Variants in AFG2A observed in about 807,000 individuals in gnomAD.
The protein encoded by AFG2A is AAA ATPase AFG2A.
At chr4:123,225,152 T>G in the AFG2A span, among the ~76,000 whole-genome samples, 2 of 152,200 alleles carry the variant, frequency 1.3e-5, no homozygotes, top group East Asian at 3.8e-4. Context: ...TTTCTCCCAT[T>G]CTGTAGGTTG....
At chr4:122,983,491 G>A in the AFG2A span, among the ~76,000 whole-genome samples, 1 of 151,766 alleles carries the variant, frequency 6.6e-6, no homozygotes, top group Non-Finnish European at 1.5e-5. Flanking sequence ...CAAAGTTTTG[G>A]TATGTTGTGT....
chr4:122,927,139 T>C, the AFG2A span, among the ~76,000 whole-genome samples: 26 of 152,296 alleles, frequency 1.7e-4, no homozygotes, highest in African/African-American at 6.3e-4. Context: ...TGTGTGTTCG[T>C]ATAAGGAAGA....
At chr4:123,236,684 C>T in the AFG2A span, among the ~76,000 whole-genome samples, 1 of 152,284 alleles carries the variant, frequency 6.6e-6, no homozygotes, top group African/African-American at 2.4e-5. Context: ...GGACTGTCCA[C>T]GTTCACCTAT....
the AFG2A span, among the ~76,000 whole-genome samples, chr4:122,926,698 A>G: frequency 6.6e-6 from 1 of 152,240 alleles, no homozygotes; most frequent in Non-Finnish European, 1.5e-5. Flanking sequence ...TATGTTTACA[A>G]TAAATTTTAT....
chr4:123,314,395 A>G, the AFG2A span: 2 of 163,560 alleles, frequency 1.2e-5, no homozygotes, highest in Non-Finnish European at 1.3e-5. Flanking sequence ...TAAAATGCCA[A>G]ACATGTTGGC....
At chr4:123,225,391 G>C in the AFG2A span, among the ~76,000 whole-genome samples, 2 of 152,118 alleles carry the variant, frequency 1.3e-5, no homozygotes, top group Admixed American at 1.3e-4. Context: ...TTTTGTATAA[G>C]GTGTAAGGAA....
the AFG2A span, among the ~76,000 whole-genome samples, chr4:123,103,891 T>C: frequency 6.6e-6 from 1 of 152,108 alleles, no homozygotes; most frequent in African/African-American, 2.4e-5. Context: ...TAGTCAGATA[T>C]AAAAGACTAT....
At chr4:123,193,837 C>G in the AFG2A span, among the ~76,000 whole-genome samples, 1 of 151,948 alleles carries the variant, frequency 6.6e-6, no homozygotes, top group Non-Finnish European at 1.5e-5. Context: ...TTATATAAGA[C>G]AAAAATAACA....
At chr4:123,164,520 C>A in the AFG2A span, among the ~76,000 whole-genome samples, 2 of 152,040 alleles carry the variant, frequency 1.3e-5, no homozygotes, top group African/African-American at 4.8e-5. Context: ...CCTGCCACCA[C>A]GCCCAGCTAA....
the AFG2A span, among the ~76,000 whole-genome samples, chr4:123,311,753 C>T: frequency 6.6e-6 from 1 of 152,016 alleles, no homozygotes; most frequent in East Asian, 1.9e-4. Context: ...GCCTTCTAGG[C>T]CCTAATGATA....
At chr4:123,038,093 G>A in the AFG2A span, among the ~76,000 whole-genome samples, 1 of 151,934 alleles carries the variant, frequency 6.6e-6, no homozygotes, top group Admixed American at 6.6e-5. Context: ...CATATCTTTT[G>A]TGCCAATGGT....
the AFG2A span, chr4:123,260,145 C>T: frequency 6.6e-6 from 1 of 152,128 alleles, no homozygotes; most frequent in African/African-American, 2.4e-5. Context: ...GCAAAAAAAA[C>T]ACCTTCTTTT....
At chr4:123,121,264 T>TA in the AFG2A span, among the ~76,000 whole-genome samples, 1,305 of 149,400 alleles carry the variant, frequency 8.7e-3, 25 homozygotes, top group African/African-American at 0.029. Flanking sequence ...AAAAAAATAA[T>TA]AAATAAAAAA....
At chr4:123,216,539 T>G in the AFG2A span, among the ~76,000 whole-genome samples, 452 of 152,320 alleles carry the variant, frequency 3.0e-3, 2 homozygotes, top group Admixed American at 6.0e-3. Context: ...CATGCATTTA[T>G]TAACTGGAAA....
the AFG2A span, among the ~76,000 whole-genome samples, chr4:123,167,066 TG>T: frequency 6.6e-6 from 1 of 151,896 alleles, no homozygotes. Flanking sequence ...GAGGATTAAA[TG>T]AATTAATACA....
the AFG2A span, among the ~76,000 whole-genome samples, chr4:122,965,484 T>C: frequency 6.6e-6 from 1 of 152,238 alleles, no homozygotes; most frequent in South Asian, 2.1e-4. Context: ...CATTTGGCTC[T>C]CTAAAGCATT....
the AFG2A span, among the ~76,000 whole-genome samples, chr4:123,202,818 C>T: frequency 8.4e-4 from 128 of 152,086 alleles, no homozygotes; most frequent in Non-Finnish European, 1.5e-3. Context: ...TTTCTCTGTC[C>T]TCTGGCAACC....
At chr4:123,241,664 C>G in the AFG2A span, among the ~76,000 whole-genome samples, 1 of 152,208 alleles carries the variant, frequency 6.6e-6, no homozygotes, top group African/African-American at 2.4e-5. Context: ...GACAAACCCA[C>G]AGCCAATATC....
At chr4:123,263,233 G>A in the AFG2A span, among the ~76,000 whole-genome samples, 3 of 152,110 alleles carry the variant, frequency 2.0e-5, no homozygotes, top group Non-Finnish European at 4.4e-5. Context: ...ACCATTACAC[G>A]AATTAGAAAA....
Sources: gnomAD v4.1 joint callset for allele counts (sites outside exome capture counted in the v4.1 genomes callset) on GRCh38, gnomAD v4.1.1 for gene constraint, MANE v1.5 for transcripts, NCBI Gene and HGNC (gene_info 2026-07-23, HGNC 2026-07-21) for gene names.